Variants in LRMDA observed in about 807,000 individuals in gnomAD.
LRMDA encodes the protein leucine rich melanocyte differentiation associated, also known as leucine-rich melanocyte differentiation-associated protein.
A neutral mutation model predicts 29.8 loss-of-function variants in LRMDA; 18 were observed. The ratio of observed to expected loss-of-function variants is 0.60; its 90% confidence interval spans 0.42 to 0.90. LRMDA has a LOEUF of 0.90. Ranked by LOEUF, LRMDA falls within the 40% of genes least tolerant of loss-of-function variation. LRMDA has a pLI of 0.00. For missense variants in LRMDA, 273 were observed against 273.9 expected (o/e 1.00, Z 0.02); for synonymous variants, 125 against 109.4 (o/e 1.14, Z -0.89).
intron 2 of LRMDA, among the ~76,000 whole-genome samples, chr10:75,556,579 G>C (rs1284639623): frequency 6.6e-6 from 1 of 152,162 alleles, no homozygotes; most frequent in Admixed American, 6.5e-5. Context: ...TAGTATGTGA[G>C]TAAACAACAA....
At chr10:75,557,787 T>C (rs1292207218) in intron 2 of LRMDA, among the ~76,000 whole-genome samples, 3 of 152,184 alleles carry the variant, frequency 2.0e-5, no homozygotes, top group Non-Finnish European at 4.4e-5. Flanking sequence ...TAAGCTCTTT[T>C]CCTCTTCTTT....
At chr10:75,921,436 T>A (rs931330080) in intron 2 of LRMDA, among the ~76,000 whole-genome samples, 4 of 152,198 alleles carry the variant, frequency 2.6e-5, no homozygotes, top group African/African-American at 9.7e-5. Flanking sequence ...GAATGGATGA[T>A]GTGTAGGGCT....
At chr10:76,337,053 A>T (rs1052161559) in intron 6 of LRMDA, among the ~76,000 whole-genome samples, 1 of 152,196 alleles carries the variant, frequency 6.6e-6, no homozygotes, top group Non-Finnish European at 1.5e-5. Flanking sequence ...TAGGGCAGTG[A>T]ATGTTGGCAT....
intron 2 of LRMDA, among the ~76,000 whole-genome samples, chr10:75,759,787 CCTT>C (rs1320472827): frequency 2.0e-5 from 3 of 151,878 alleles, no homozygotes; most frequent in African/African-American, 7.3e-5. Flanking sequence ...ATTTTTTTCT[CCTT>C]AAAAATCAGC....
At position 76,557,221 on chromosome 10, in the gene LRMDA, A is replaced by T; in HGVS notation, c.614A>T (p.Lys205Met). 1 of 1,614,104 alleles carries T rather than the reference A, an allele frequency of 6.2e-7. No individual in the cohort carries two copies. Among genetic ancestry groups the T allele is most frequent in the Non-Finnish European group, 8.5e-7 (1 of 1,179,954 alleles). Residue 205 changes from lysine to methionine, a missense_variant, in exon 7 of 7, where the codon AAG (lysine) becomes ATG (methionine). Transcript: ENST00000611255. ...TTTTTATTTGCAGGTGTCCTGGGGA[A>T]GTGTCGCTACGTTTACTATGGGAAA... ...ELTSHQGVLG[K>M]CRYVYYGKNS...
At chr10:76,279,679 G>T (rs1383783550) in intron 5 of LRMDA, among the ~76,000 whole-genome samples, 3 of 151,652 alleles carry the variant, frequency 2.0e-5, no homozygotes, top group Non-Finnish European at 4.4e-5. Flanking sequence ...CTGAGTAGCT[G>T]GGATTACAGG....
In LRMDA at chr10:76,363,754, G is replaced by A. The variant is rs537552610; in HGVS notation, c.601+39269G>A. 2.3e-4 allele frequency among the ~76,000 whole-genome samples: 35 copies of A among 151,778 alleles called. No homozygotes were observed. In the South Asian group the frequency reaches 6.3e-3, roughly 27 times the overall value. ...AGGGTAGAACTTCTTTCTTAAAGGCGAAGTTATTTATTCTTTGGGTTAAGT... is the reference window on the plus strand; with the variant it reads ...AGGGTAGAACTTCTTTCTTAAAGGCAAAGTTATTTATTCTTTGGGTTAAGT... On this transcript the variant is annotated intron_variant, in intron 6 of 6. Coordinates refer to ENST00000611255, the MANE Select transcript of LRMDA (RefSeq NM_001305581.2).
intron 2 of LRMDA, among the ~76,000 whole-genome samples, chr10:75,457,450 G>C (rs570578914): frequency 1.3e-5 from 2 of 152,162 alleles, no homozygotes; most frequent in African/African-American, 4.8e-5. Context: ...GTAAGGACTC[G>C]AGGTATGGGT....
chr10:76,343,620 C>T (rs899513775), intron 6 of LRMDA, among the ~76,000 whole-genome samples: 1 of 151,956 alleles, frequency 6.6e-6, no homozygotes, highest in Non-Finnish European at 1.5e-5. Flanking sequence ...TATGAAAAAA[C>T]ACATCCATCT....
chr10:75,540,222 A>G (rs1840000118), intron 2 of LRMDA, among the ~76,000 whole-genome samples: 1 of 152,204 alleles, frequency 6.6e-6, no homozygotes, highest in South Asian at 2.1e-4. Flanking sequence ...ACATTTAAGC[A>G]AAGAGCTGAA....
chr10:75,572,154 A>G (rs1840445082), intron 2 of LRMDA, among the ~76,000 whole-genome samples: 1 of 152,028 alleles, frequency 6.6e-6, no homozygotes. Flanking sequence ...GGGTTTCACC[A>G]TGTTGGCCAG....
intron 6 of LRMDA, among the ~76,000 whole-genome samples, chr10:76,375,723 A>T (rs891464214): frequency 3.5e-5 from 5 of 142,938 alleles, no homozygotes; most frequent in South Asian, 2.3e-4. Flanking sequence ...TCCATGCTGA[A>T]TTTTTTTTTT....
At chr10:75,742,133 T>G (rs532440202) in intron 2 of LRMDA, among the ~76,000 whole-genome samples, 329 of 152,366 alleles carry the variant, frequency 2.2e-3, no homozygotes, top group Non-Finnish European at 2.9e-3. Flanking sequence ...CTGACTAAGA[T>G]ACGTGCATTA....
intron 5 of LRMDA, 52 bp downstream of exon 5, chr10:76,058,835 G>T (rs376904888): frequency 7.2e-7 from 1 of 1,397,366 alleles, no homozygotes; most frequent in Non-Finnish European, 1.0e-6. Context: ...TCATGGCAGT[G>T]CTTACACCCC....
chr10:75,622,968 A>G (rs1364570558), intron 2 of LRMDA, among the ~76,000 whole-genome samples: 4 of 152,200 alleles, frequency 2.6e-5, no homozygotes, highest in Non-Finnish European at 4.4e-5. Flanking sequence ...ATTTTGTTAT[A>G]CAGTACCCAT....
intron 6 of LRMDA, among the ~76,000 whole-genome samples, chr10:76,457,270 C>G: frequency 6.6e-6 from 1 of 152,168 alleles, no homozygotes; most frequent in East Asian, 1.9e-4. Flanking sequence ...TCAGTATTCC[C>G]TGATTCTGTG....
chr10:76,092,630 A>G lies in LRMDA; in HGVS notation c.516+33847A>G, dbSNP rs554177542. On this transcript the variant is annotated intron_variant, in intron 5 of 6. Transcript: ENST00000611255. Reference sequence around the variant, plus strand: ...TGTGAATTACCATCTCAGGTGTTTCACAGTTTCATCATTAGATCATGCTAC... The same window carrying G: ...TGTGAATTACCATCTCAGGTGTTTCGCAGTTTCATCATTAGATCATGCTAC... Among the ~76,000 whole-genome samples, 28 of 152,344 alleles carry G rather than the reference A, an allele frequency of 1.8e-4. 1 individual carries two copies. The highest frequency in any genetic ancestry group is 6.7e-4 in the African/African-American group (28 of 41,592).
intron 6 of LRMDA, among the ~76,000 whole-genome samples, chr10:76,377,123 G>A (rs1416124478): frequency 1.3e-5 from 2 of 151,920 alleles, no homozygotes; most frequent in Non-Finnish European, 2.9e-5. Flanking sequence ...CTGACCTCAT[G>A]ATCTGCCCAC....
chr10:76,336,109 G>A (rs973702360), intron 6 of LRMDA, among the ~76,000 whole-genome samples: 2 of 118,268 alleles, frequency 1.7e-5, no homozygotes, highest in Non-Finnish European at 1.6e-5. Context: ...GGGAGATAGA[G>A]AAATCACCAT....
Sources: gnomAD v4.1 joint callset for allele counts (sites outside exome capture counted in the v4.1 genomes callset) on GRCh38, gnomAD v4.1.1 for gene constraint, MANE v1.5 for transcripts, NCBI Gene and HGNC (gene_info 2026-07-23, HGNC 2026-07-21) for gene names.